Variants in SLC16A12 observed in about 807,000 individuals in gnomAD.
SLC16A12 encodes solute carrier family 16 member 12.
Under a neutral mutation model 42.4 loss-of-function variants are expected in SLC16A12, and 17 were observed. The observed-to-expected ratio is 0.40, with a 90% confidence interval of 0.27 to 0.60. The LOEUF (loss-of-function observed/expected upper bound fraction) is 0.60, where lower values mean the gene tolerates loss of function less well. Among genes scored for constraint, SLC16A12 ranks in the 20% least tolerant of loss-of-function variants. The pLI, the probability that SLC16A12 is intolerant of heterozygous loss-of-function variation, is 0.42. For missense variants in SLC16A12, 544 were observed against 623.0 expected (o/e 0.87, Z 1.35); for synonymous variants, 224 against 229.4 (o/e 0.98, Z 0.21).
intron 2 of SLC16A12, among the ~76,000 whole-genome samples, chr10:89,481,655 G>A (rs1244377290): frequency 7.2e-6 from 1 of 138,204 alleles, no homozygotes; most frequent in Non-Finnish European, 1.5e-5. Context: ...GTGTGTGTGT[G>A]TGTGTGTGTG....
At chr10:89,467,725 T>C (rs1180116544) in intron 2 of SLC16A12, among the ~76,000 whole-genome samples, 1 of 152,224 alleles carries the variant, frequency 6.6e-6, no homozygotes, top group Non-Finnish European at 1.5e-5. Flanking sequence ...GATTAAGTTA[T>C]TATTCATTTC....
upstream of SLC16A12, among the ~76,000 whole-genome samples, chr10:89,537,058 C>T (rs1843672735): frequency 6.6e-6 from 1 of 151,452 alleles, no homozygotes; most frequent in Non-Finnish European, 1.5e-5. Flanking sequence ...AGGCTGATCT[C>T]GAACTCCTGA....
chr10:89,519,217 T>C (rs994661549), intron 2 of SLC16A12, among the ~76,000 whole-genome samples: 5 of 152,124 alleles, frequency 3.3e-5, no homozygotes, highest in Non-Finnish European at 7.4e-5. Flanking sequence ...TGGGACCTAC[T>C]TGAAGAGGCA....
chr10:89,463,236 A>G (rs1399369482), intron 2 of SLC16A12, among the ~76,000 whole-genome samples: 1 of 152,228 alleles, frequency 6.6e-6, no homozygotes, highest in East Asian at 1.9e-4. Flanking sequence ...CTTATAACAT[A>G]GACTAATTAT....
At chr10:89,498,024 T>C (rs1366237903) in intron 2 of SLC16A12, among the ~76,000 whole-genome samples, 2 of 152,080 alleles carry the variant, frequency 1.3e-5, no homozygotes, top group African/African-American at 4.8e-5. Context: ...ATAAAGATAG[T>C]AGGGGCCAGG....
intron 2 of SLC16A12, among the ~76,000 whole-genome samples, chr10:89,552,708 G>A (rs910828597): frequency 1.3e-5 from 2 of 152,246 alleles, no homozygotes; most frequent in South Asian, 4.2e-4. Flanking sequence ...GTATGATAAT[G>A]AACAAAATGG....
At chr10:89,502,048 T>C (rs1420459053) in intron 2 of SLC16A12, among the ~76,000 whole-genome samples, 1 of 152,198 alleles carries the variant, frequency 6.6e-6, no homozygotes, top group African/African-American at 2.4e-5. Flanking sequence ...TTTTAAGTTA[T>C]CTAGTTTGGC....
upstream of SLC16A12, among the ~76,000 whole-genome samples, chr10:89,539,913 T>TTTCTTTCTTTC (rs1564604838): frequency 4.9e-5 from 2 of 40,526 alleles, no homozygotes; most frequent in Non-Finnish European, 1.0e-4. Context: ...TTCTTTCTTT[T>TTTCTTTCTTTC]TTCTTTTTTT....
intron 2 of SLC16A12, among the ~76,000 whole-genome samples, chr10:89,553,832 A>G (rs1843785732): frequency 6.6e-6 from 1 of 151,752 alleles, no homozygotes; most frequent in Non-Finnish European, 1.5e-5. Context: ...TGTCTCTACT[A>G]AAAATACAAA....
Position 89,540,925 on chromosome 10 carries a change from T to C in SLC16A12, c.-47+14957A>G, listed in dbSNP as rs560564767. ...ACTAAGCAAATTTCTTTTTTTTTTTTCCCTTTTTTTTTTTGACAAGGAGTC... is the reference window on the plus strand; with the variant it reads ...ACTAAGCAAATTTCTTTTTTTTTTTCCCCTTTTTTTTTTTGACAAGGAGTC... On this transcript the variant is annotated intron_variant, in intron 2 of 2. Coordinates refer to the SLC16A12 transcript ENST00000475682. 1.0e-3 allele frequency among the ~76,000 whole-genome samples: 150 copies of C among 150,738 alleles called. 1 individual carries two copies. The highest frequency in any genetic ancestry group is 3.4e-3 in the Middle Eastern group (1 of 294).
chr10:89,502,088 A>G (rs1842998058), intron 2 of SLC16A12, among the ~76,000 whole-genome samples: 1 of 152,134 alleles, frequency 6.6e-6, no homozygotes. Flanking sequence ...GAAAACTGTC[A>G]CTGTCTCAGT....
chr10:89,513,498 A>G (rs1564595562), intron 2 of SLC16A12, among the ~76,000 whole-genome samples: 1 of 152,208 alleles, frequency 6.6e-6, no homozygotes, highest in Non-Finnish European at 1.5e-5. Context: ...AAATTAGAGA[A>G]TATCATATTT....
intron 2 of SLC16A12, among the ~76,000 whole-genome samples, chr10:89,540,971 G>C (rs574259967): frequency 2.7e-4 from 40 of 150,724 alleles, no homozygotes; most frequent in African/African-American, 9.8e-4. Flanking sequence ...GCCCAGGCTG[G>C]AGTGCAGTTG....
chr10:89,457,348 CA>C (rs1386887257), intron 3 of SLC16A12, among the ~76,000 whole-genome samples: 1 of 152,174 alleles, frequency 6.6e-6, no homozygotes, highest in Non-Finnish European at 1.5e-5. Flanking sequence ...GAAAAGAAGA[CA>C]TTTATGCAAC....
At chr10:89,506,886 C>A (rs1177962047) in intron 2 of SLC16A12, among the ~76,000 whole-genome samples, 5 of 151,866 alleles carry the variant, frequency 3.3e-5, no homozygotes, top group Non-Finnish European at 2.9e-5. Context: ...ACATAAATGA[C>A]CTGATGGAGC....
rs568874753 is a variant in SLC16A12, at chr10:89,541,503, A to T, written c.-47+14379T>A. Among the ~76,000 whole-genome samples, 4 of 152,294 alleles carry T rather than the reference A, an allele frequency of 2.6e-5. No individual in the cohort carries two copies. In the South Asian group the frequency reaches 8.3e-4, roughly 32 times the overall value. On this transcript the variant is annotated intron_variant, in intron 2 of 2. Transcript: ENST00000475682. ...CCCCAGCTACTTGGGAGGCTGAGGT[A>T]GGAGGATCTCTTGAGCACAGGAGTT...
chr10:89,544,634 G>A (rs1288807446), intron 2 of SLC16A12, among the ~76,000 whole-genome samples: 1 of 152,120 alleles, frequency 6.6e-6, no homozygotes, highest in Non-Finnish European at 1.5e-5. Context: ...AGGTTGTGAG[G>A]AAATTTATTG....
chr10:89,554,024 GAGAGAAAGGAAGAAAGAAAGAAAGA>G (rs1843787006), intron 2 of SLC16A12, among the ~76,000 whole-genome samples: 5 of 140,444 alleles, frequency 3.6e-5, no homozygotes, highest in African/African-American at 1.3e-4. Context: ...GAGAAAGAAA[GAGAGAAAGGAAGAAAGAAAGAAAGA>G]AAGAAAGAAA....
chr10:89,546,664 C>G (rs1843744082), intron 2 of SLC16A12, among the ~76,000 whole-genome samples: 2 of 152,028 alleles, frequency 1.3e-5, no homozygotes, highest in South Asian at 4.2e-4. Flanking sequence ...ATCATTTGAC[C>G]CAGCAATCCC....
Sources: allele counts gnomAD v4.1 joint callset (sites outside exome capture counted in the v4.1 genomes callset), GRCh38; gene constraint gnomAD v4.1.1; transcripts MANE v1.5; gene names NCBI Gene and HGNC (gene_info 2026-07-23, HGNC 2026-07-21).